The following NTRK2 variants were observed in gnomAD, a reference collection of about 807,000 sequenced individuals.
NTRK2 encodes BDNF/NT-3 growth factors receptor.
Under a neutral mutation model 94.5 loss-of-function variants are expected in NTRK2, and 13 were observed. The ratio of observed to expected loss-of-function variants is 0.14; its 90% confidence interval spans 0.09 to 0.22. The LOEUF (loss-of-function observed/expected upper bound fraction) is 0.22. Ranked by LOEUF, NTRK2 falls within the 10% of genes least tolerant of loss-of-function variation. NTRK2 has a pLI of 1.00. For missense variants in NTRK2, 639 were observed against 1,071.2 expected (o/e 0.60, Z 5.63); for synonymous variants, 372 against 407.4 (o/e 0.91, Z 1.05).
At chr9:84,886,861 CTT>C (rs1409242717) in intron 14 of NTRK2, among the ~76,000 whole-genome samples, 1 of 152,136 alleles carries the variant, frequency 6.6e-6, no homozygotes, top group Non-Finnish European at 1.5e-5. Flanking sequence ...GCAGATGTCT[CTT>C]GGGTGGTGTG....
intron 15 of NTRK2, among the ~76,000 whole-genome samples, chr9:84,944,293 C>T (rs56050445): frequency 0.065 from 9,471 of 146,102 alleles, 614 homozygotes; most frequent in African/African-American, 0.16. Context: ...GACGGAGTCT[C>T]GCTCTGTTGC....
intron 12 of NTRK2, among the ~76,000 whole-genome samples, chr9:84,828,807 G>A (rs541960555): frequency 1.9e-4 from 29 of 152,232 alleles, no homozygotes; most frequent in African/African-American, 6.0e-4. Flanking sequence ...AGTCAAAGCC[G>A]ATTAAAGGGG....
At chr9:84,676,750 C>T (rs559710971) in intron 2 of NTRK2, among the ~76,000 whole-genome samples, 17 of 152,102 alleles carry the variant, frequency 1.1e-4, no homozygotes, top group African/African-American at 2.9e-4. Context: ...TAGGTTGGTG[C>T]GAAAGTAACT....
intron 12 of NTRK2, among the ~76,000 whole-genome samples, chr9:84,797,766 TAATATATATA>T (rs2069705371): frequency 1.0e-4 from 2 of 19,826 alleles, no homozygotes; most frequent in South Asian, 1.3e-3. Flanking sequence ...TATACTATAA[TAATATATATA>T]ATATATATTA....
intron 17 of NTRK2, among the ~76,000 whole-genome samples, chr9:85,001,027 G>T (rs568664145): frequency 1.3e-5 from 2 of 152,116 alleles, no homozygotes; most frequent in Non-Finnish European, 2.9e-5. Context: ...CCACTTAATC[G>T]CATCTCAGGT....
chr9:84,866,572 A>G (rs1453909714), intron 13 of NTRK2, among the ~76,000 whole-genome samples: 1 of 152,182 alleles, frequency 6.6e-6, no homozygotes, highest in Non-Finnish European at 1.5e-5. Context: ...AAAGCTACGT[A>G]TTATCTTACA....
intron 15 of NTRK2, among the ~76,000 whole-genome samples, chr9:84,947,068 ACCTCAG>A (rs1277661325): frequency 6.6e-6 from 1 of 151,940 alleles, no homozygotes; most frequent in Non-Finnish European, 1.5e-5. Context: ...TGATTCTTCT[ACCTCAG>A]CCTCCCGAGT....
chr9:84,767,419 T>C (rs1320552920), intron 12 of NTRK2, among the ~76,000 whole-genome samples: 1 of 152,236 alleles, frequency 6.6e-6, no homozygotes, highest in Non-Finnish European at 1.5e-5. Context: ...TTTGAGGCCA[T>C]GTATTTGCAG....
intron 2 of NTRK2, among the ~76,000 whole-genome samples, chr9:84,673,601 A>G (rs1001738537): frequency 2.0e-5 from 3 of 152,188 alleles, no homozygotes; most frequent in African/African-American, 7.2e-5. Context: ...GCATCTATAT[A>G]TTAAACCATC....
chr9:84,897,588 G>C (rs1300483976), intron 14 of NTRK2, among the ~76,000 whole-genome samples: 5 of 152,222 alleles, frequency 3.3e-5, no homozygotes, highest in Non-Finnish European at 7.3e-5. Flanking sequence ...ATTCCCTTGA[G>C]TGCTGGCACC....
At chr9:84,859,441 G>A (rs935531080) in intron 12 of NTRK2, among the ~76,000 whole-genome samples, 28 of 152,286 alleles carry the variant, frequency 1.8e-4, no homozygotes, top group South Asian at 4.1e-4. Flanking sequence ...TTTTGAATGA[G>A]TAATTCAATT....
chr9:85,008,697 C>G (rs542424699), intron 17 of NTRK2, among the ~76,000 whole-genome samples: 8 of 152,268 alleles, frequency 5.3e-5, no homozygotes, highest in Non-Finnish European at 7.3e-5. Flanking sequence ...TCACAAGAAG[C>G]CTGGGTCTTC....
intron 12 of NTRK2, among the ~76,000 whole-genome samples, chr9:84,797,653 A>AT (rs2069604568): frequency 2.2e-5 from 1 of 45,202 alleles, no homozygotes; most frequent in African/African-American, 1.3e-4. Context: ...CTATAATAAT[A>AT]TATATATTAT....
chr9:84,873,112 C>T (rs1255325005), intron 14 of NTRK2: 4 of 1,064,240 alleles, frequency 3.8e-6, no homozygotes, highest in Non-Finnish European at 4.6e-6. Context: ...GACTTCAGTG[C>T]AATCGAATGA....
At chr9:84,939,375 A>G (rs1001971807) in intron 15 of NTRK2, among the ~76,000 whole-genome samples, 2 of 152,208 alleles carry the variant, frequency 1.3e-5, no homozygotes, top group African/African-American at 4.8e-5. Flanking sequence ...TTTAATGTCA[A>G]TGTCAGACCT....
intron 14 of NTRK2, among the ~76,000 whole-genome samples, chr9:84,903,082 T>G (rs1226012208): frequency 6.6e-6 from 1 of 152,232 alleles, no homozygotes; most frequent in Non-Finnish European, 1.5e-5. Flanking sequence ...TTTGAAAATC[T>G]GTACACGTAA....
chr9:84,670,718 C>G lies in NTRK2; in HGVS notation c.-31C>G. On this transcript the variant is annotated 5_prime_UTR_variant, in exon 2 of 19. Transcript: ENST00000277120. ...GAAAGCGGCCGGTGCAGCGCGGGGA[C>G]AGGCACTCGGGCTGGCACTGGCTGC... 1.9e-6 allele frequency: 3 copies of G among 1,606,276 alleles called. No individual in the cohort carries two copies. Among genetic ancestry groups the G allele is most frequent in the Non-Finnish European group, 2.5e-6 (3 of 1,176,962 alleles).
intron 15 of NTRK2, among the ~76,000 whole-genome samples, chr9:84,944,094 C>T (rs1412587451): frequency 1.3e-5 from 2 of 152,098 alleles, no homozygotes; most frequent in African/African-American, 4.8e-5. Context: ...TGACATTGCA[C>T]TGAGAATGGG....
chr9:84,895,423 G>A (rs1044092529), intron 14 of NTRK2, among the ~76,000 whole-genome samples: 10 of 152,006 alleles, frequency 6.6e-5, no homozygotes, highest in African/African-American at 9.7e-5. Flanking sequence ...ACTTCATCCC[G>A]GCAGCCAGAT....
Sources: gnomAD v4.1 joint callset for allele counts (sites outside exome capture counted in the v4.1 genomes callset) on GRCh38, gnomAD v4.1.1 for gene constraint, MANE v1.5 for transcripts, NCBI Gene and HGNC (gene_info 2026-07-23, HGNC 2026-07-21) for gene names.